The following AGPS variants were observed in gnomAD, a reference collection of about 807,000 sequenced individuals.
AGPS encodes the protein alkyldihydroxyacetonephosphate synthase, peroxisomal.
AGPS carries 26 observed loss-of-function variants against 90.7 expected under a neutral mutation model. The observed-to-expected ratio is 0.29, with a 90% CI of 0.21 to 0.40. AGPS has a LOEUF of 0.40. AGPS is among the 10% of genes least tolerant of loss of function. The pLI is 1.00. For missense variants in AGPS, 540 were observed against 816.1 expected (o/e 0.66, Z 4.12); for synonymous variants, 294 against 285.3 (o/e 1.03, Z -0.31).
chr2:177,466,204 C>T (rs1353299499), intron 9 of AGPS, among the ~76,000 whole-genome samples: 2 of 152,056 alleles, frequency 1.3e-5, no homozygotes, highest in African/African-American at 4.8e-5. Context: ...ATAAGCAGGG[C>T]ATCCTGATGA....
chr2:177,444,930 G>A (rs1686724602), intron 7 of AGPS, among the ~76,000 whole-genome samples: 1 of 152,156 alleles, frequency 6.6e-6, no homozygotes, highest in African/African-American at 2.4e-5. Flanking sequence ...ATGAAATTTA[G>A]TTCCTTCTTT....
At chr2:177,521,424 T>G in intron 18 of AGPS, 56 bp downstream of exon 18, 1 of 1,375,900 alleles carries the variant, frequency 7.3e-7, no homozygotes, top group South Asian at 1.2e-5. Context: ...TTCAATAAAT[T>G]TTACTGTCAA....
intron 1 of AGPS, among the ~76,000 whole-genome samples, chr2:177,405,690 C>G (rs1363163230): frequency 1.6e-5 from 2 of 127,378 alleles, no homozygotes; most frequent in Non-Finnish European, 3.1e-5. Context: ...TTTTTTTTTC[C>G]CACCTTCCTG....
intron 3 of AGPS, among the ~76,000 whole-genome samples, chr2:177,435,629 C>T (rs1197818051): frequency 2.0e-5 from 3 of 152,010 alleles, no homozygotes; most frequent in Non-Finnish European, 2.9e-5. Context: ...GAGTGGCTAG[C>T]TTATAGCAGC....
intron 11 of AGPS, among the ~76,000 whole-genome samples, chr2:177,491,771 C>CG (rs1419713933): frequency 8.2e-6 from 1 of 122,488 alleles, no homozygotes; most frequent in African/African-American, 3.2e-5. Context: ...CCCCCCCCCC[C>CG]CCTTTTTTTT....
intron 10 of AGPS, among the ~76,000 whole-genome samples, chr2:177,469,347 A>G (rs1276665540): frequency 6.6e-6 from 1 of 152,188 alleles, no homozygotes. Flanking sequence ...AAGAGCAGGT[A>G]CAATAAACTA....
intron 8 of AGPS, among the ~76,000 whole-genome samples, chr2:177,459,557 A>G (rs1335832923): frequency 6.6e-6 from 1 of 152,234 alleles, no homozygotes; most frequent in South Asian, 2.1e-4. Flanking sequence ...GCCAACAGAC[A>G]TATGAAAAAA....
intron 19 of AGPS, among the ~76,000 whole-genome samples, chr2:177,524,354 A>T (rs1428534823): frequency 6.6e-6 from 1 of 152,204 alleles, no homozygotes; most frequent in African/African-American, 2.4e-5. Context: ...CATCACCAAT[A>T]AAAATTATTA....
At chr2:177,500,353 C>CCTTTT (rs1189561754) in intron 14 of AGPS, among the ~76,000 whole-genome samples, 1 of 151,912 alleles carries the variant, frequency 6.6e-6, no homozygotes, top group Non-Finnish European at 1.5e-5. Context: ...TTTTTCCTTT[C>CCTTTT]CTTTTAAAGT....
chr2:177,417,654 G>A (rs914080220), intron 1 of AGPS, among the ~76,000 whole-genome samples: 2 of 152,268 alleles, frequency 1.3e-5, no homozygotes, highest in Admixed American at 6.5e-5. Context: ...ACTTAGCTGC[G>A]TGACCAGGGA....
chr2:177,482,767 C>A (rs1687981065), intron 11 of AGPS, among the ~76,000 whole-genome samples: 1 of 151,954 alleles, frequency 6.6e-6, no homozygotes, highest in Non-Finnish European at 1.5e-5. Context: ...ATTTTCTCCC[C>A]TCCTTAAAAA....
At chr2:177,468,923 A>G (rs1687533318) in intron 10 of AGPS, among the ~76,000 whole-genome samples, 1 of 152,072 alleles carries the variant, frequency 6.6e-6, no homozygotes, top group Admixed American at 6.5e-5. Flanking sequence ...TATGTATTTT[A>G]TAAAATTAAT....
chr2:177,474,250 A>G (rs756469049), intron 10 of AGPS, among the ~76,000 whole-genome samples: 6 of 152,228 alleles, frequency 3.9e-5, no homozygotes, highest in Non-Finnish European at 7.3e-5. Context: ...CTATTGCTAC[A>G]TATAACTGAT....
At chr2:177,525,795 G>A (rs1441283452) in intron 19 of AGPS, among the ~76,000 whole-genome samples, 1 of 152,074 alleles carries the variant, frequency 6.6e-6, no homozygotes, top group Non-Finnish European at 1.5e-5. Context: ...TTTTTTCCTC[G>A]GCCAGTGACT....
intron 18 of AGPS, among the ~76,000 whole-genome samples, chr2:177,521,784 T>C (rs1181267918): frequency 6.6e-6 from 1 of 152,244 alleles, no homozygotes; most frequent in Non-Finnish European, 1.5e-5. Context: ...TTTTATATGC[T>C]ATAGCTGTAA....
At chr2:177,462,217 C>G (rs550475054) in intron 9 of AGPS, among the ~76,000 whole-genome samples, 199 bp downstream of exon 9, 86 of 151,428 alleles carry the variant, frequency 5.7e-4, no homozygotes, top group Non-Finnish European at 9.1e-4. Flanking sequence ...GGTGAAACCC[C>G]GTCTCTACTA....
chr2:177,496,626 T>C (rs947992176), intron 12 of AGPS, among the ~76,000 whole-genome samples: 3 of 152,148 alleles, frequency 2.0e-5, no homozygotes, highest in African/African-American at 7.2e-5. Flanking sequence ...AGCATAGATA[T>C]CTAATTCTTA....
At chr2:177,509,460 ATCGAGACCATCCTGGCTAACACG>A (rs1688805511) in intron 16 of AGPS, among the ~76,000 whole-genome samples, 1 of 152,086 alleles carries the variant, frequency 6.6e-6, no homozygotes, top group Admixed American at 6.6e-5. Context: ...AGGTCAGGAG[ATCGAGACCATCCTGGCTAACACG>A]GTGAAACCTC....
At position 177,538,489 on chromosome 2, in the gene AGPS, C is replaced by A; in HGVS notation, c.*294C>A. On this transcript the variant is annotated 3_prime_UTR_variant, in exon 20 of 20. Transcript: ENST00000264167. ...TTATTCCAGAGGAAGCTGCTGCCAG[C>A]TGTTTTGTATTGTTGCTTCCTCTTG... The A allele has an allele frequency of 2.5e-6, 1 of 395,332 alleles. No homozygotes were observed. Among genetic ancestry groups the A allele is most frequent in the South Asian group, 2.4e-5 (1 of 41,802 alleles). 24.5% of individuals were successfully genotyped at this position (395,332 alleles called of 1,614,324 possible). A position where few individuals can be genotyped will look rare whatever the true frequency, so the allele number is the denominator to read the frequency against.
Sources: gnomAD v4.1 joint callset for allele counts (sites outside exome capture counted in the v4.1 genomes callset) on GRCh38, gnomAD v4.1.1 for gene constraint, MANE v1.5 for transcripts, NCBI Gene and HGNC (gene_info 2026-07-23, HGNC 2026-07-21) for gene names.